PDE1B: variants seen among roughly 807,000 people sequenced by gnomAD.
The protein encoded by PDE1B is dual specificity calcium/calmodulin-dependent 3',5'-cyclic nucleotide phosphodiesterase 1B.
Under a neutral mutation model 66.7 loss-of-function variants are expected in PDE1B, and 13 were observed. The ratio of observed to expected loss-of-function variants is 0.19; its 90% confidence interval spans 0.13 to 0.31. PDE1B has a LOEUF of 0.31. Ranked by LOEUF, PDE1B falls within the 10% of genes least tolerant of loss-of-function variation. The pLI is 1.00. For synonymous variants in PDE1B, 230 were observed against 253.9 expected (o/e 0.91, Z 0.90); for missense variants, 485 against 682.3 (o/e 0.71, Z 3.22).
At chr12:54,560,407 C>G (rs1040966750) in intron 2 of PDE1B, among the ~76,000 whole-genome samples, 1 of 152,304 alleles carries the variant, frequency 6.6e-6, no homozygotes, top group African/African-American at 2.4e-5. Flanking sequence ...AGTTCCTTTT[C>G]CTCTTTACCA....
At chr12:54,565,084 C>A (rs904173274) in intron 2 of PDE1B, among the ~76,000 whole-genome samples, 6 of 152,130 alleles carry the variant, frequency 3.9e-5, no homozygotes, top group African/African-American at 1.2e-4. Flanking sequence ...AAATGAGTGC[C>A]GTGGGTGTGG....
intron 3 of PDE1B, among the ~76,000 whole-genome samples, chr12:54,568,123 T>C (rs1046589268): frequency 6.6e-6 from 1 of 152,130 alleles, no homozygotes; most frequent in African/African-American, 2.4e-5. Flanking sequence ...CCCAAAGTCC[T>C]GGGGATTACA....
intron 14 of PDE1B, 127 bp downstream of exon 14, chr12:54,576,828 G>C (rs2121173648): frequency 2.1e-6 from 2 of 956,628 alleles, no homozygotes; most frequent in East Asian, 5.3e-5. Context: ...GAGTGGAGCT[G>C]ATCAGACCAG....
intron 2 of PDE1B, among the ~76,000 whole-genome samples, 177 bp from the exon 3 acceptor site, chr12:54,566,797 G>A (rs1171822731): frequency 6.6e-6 from 1 of 151,998 alleles, no homozygotes; most frequent in African/African-American, 2.4e-5. Context: ...TACAGGCAGT[G>A]GCAATAGCCT....
rs1006677981 is a variant in PDE1B, at chr12:54,573,854, T to C, written c.1064+145T>C. ...CTTCAGGTATCAGACTGCATCTCTATGTGAGAGAGAGAGAGAGTGTGTGTG... is the reference window on the plus strand; with the variant it reads ...CTTCAGGTATCAGACTGCATCTCTACGTGAGAGAGAGAGAGAGTGTGTGTG... On this transcript the variant is annotated intron_variant, in intron 10 of 15. Transcript: ENST00000243052. The surrounding 1 kb of genome is among the most constrained non-coding windows in gnomAD (Gnocchi z 5.2). 2 of 457,226 alleles carry C rather than the reference T, an allele frequency of 4.4e-6. No homozygotes were observed. The highest frequency in any genetic ancestry group is 7.6e-6 in the Non-Finnish European group (2 of 264,512). The allele number at this position is 457,226 out of a possible 1,614,324, so 28.3% of individuals were successfully genotyped here. A position where few individuals can be genotyped will look rare whatever the true frequency, so the allele number is the denominator to read the frequency against.
intron 2 of PDE1B, among the ~76,000 whole-genome samples, chr12:54,550,593 A>G (rs1210455102): frequency 8.4e-6 from 1 of 119,746 alleles, no homozygotes; most frequent in Non-Finnish European, 1.8e-5. Context: ...TGATGAGGGG[A>G]CCCACGTGGA....
chr12:54,564,781 C>T (rs1330103460), intron 2 of PDE1B, among the ~76,000 whole-genome samples: 1 of 152,146 alleles, frequency 6.6e-6, no homozygotes, highest in Non-Finnish European at 1.5e-5. Flanking sequence ...GGGCTACAGA[C>T]CACATTTTAA....
At chr12:54,558,308 A>G (rs535020334) in intron 2 of PDE1B, among the ~76,000 whole-genome samples, 3 of 149,718 alleles carry the variant, frequency 2.0e-5, no homozygotes, top group African/African-American at 7.4e-5. Context: ...ACTATCTTCC[A>G]ATCTTCCCTA....
At chr12:54,568,627 C>T (rs1448174525) in intron 3 of PDE1B, among the ~76,000 whole-genome samples, 1 of 151,914 alleles carries the variant, frequency 6.6e-6, no homozygotes, top group Non-Finnish European at 1.5e-5. Context: ...GATGGATCAA[C>T]TGAGGTCAGG....
intron 2 of PDE1B, among the ~76,000 whole-genome samples, chr12:54,560,432 A>G (rs1268668945): frequency 6.6e-6 from 1 of 152,140 alleles, no homozygotes; most frequent in Non-Finnish European, 1.5e-5. Context: ...ACCCGCAGCC[A>G]TAGACCTACA....
chr12:54,570,167 G>T, intron 5 of PDE1B, 74 bp from the exon 6 acceptor site: 1 of 854,368 alleles, frequency 1.2e-6, no homozygotes. Context: ...TGTACTCATG[G>T]GAAGTCCTTC....
rs1313424605 is a variant in PDE1B, at chr12:54,572,733, G to A, written c.727G>A (p.Gly243Arg). Residue 243 changes from glycine (G) to arginine (R), a missense_variant, in exon 7 of 16, where the codon GGG becomes AGG. Coordinates refer to ENST00000243052, the MANE Select transcript of PDE1B (RefSeq NM_000924.4). Reference protein sequence around the residue: ...QTVHCFLLRTGMVHCLSEIEL... With the variant: ...QTVHCFLLRTRMVHCLSEIEL... ...AGTCCATTGCTTCTTGCTCCGCACA[G>A]GGATGGTGGTAGGTGCCCTGGAGAT... is the stretch of plus-strand genomic sequence containing the variant. The A allele has an allele frequency of 1.9e-6, 3 of 1,614,030 alleles. No homozygotes were observed. The highest frequency in any genetic ancestry group is 2.5e-6 in the Non-Finnish European group (3 of 1,179,980).
chr12:54,565,726 G>C (rs1957501698), intron 2 of PDE1B, among the ~76,000 whole-genome samples: 2 of 152,176 alleles, frequency 1.3e-5, no homozygotes, highest in Non-Finnish European at 2.9e-5. Flanking sequence ...AGGCCCTGAG[G>C]TGAGAACTGG....
intron 2 of PDE1B, among the ~76,000 whole-genome samples, chr12:54,555,320 A>C (rs917064653): frequency 6.6e-6 from 1 of 152,184 alleles, no homozygotes; most frequent in African/African-American, 2.4e-5. Context: ...GTTATACCAC[A>C]TCCTATTTTA....
At chr12:54,551,395 C>T (rs1240710746) in intron 2 of PDE1B, among the ~76,000 whole-genome samples, 1 of 152,180 alleles carries the variant, frequency 6.6e-6, no homozygotes, top group Non-Finnish European at 1.5e-5. Flanking sequence ...CTATGAAGCA[C>T]AGCCTTGGAA....
intron 3 of PDE1B, among the ~76,000 whole-genome samples, chr12:54,568,335 A>T (rs901887368): frequency 6.6e-6 from 1 of 151,880 alleles, no homozygotes; most frequent in Non-Finnish European, 1.5e-5. Flanking sequence ...GGTGATGTGC[A>T]TCTGTAGTCC....
Position 54,575,563 on chromosome 12 carries a change from G to A in PDE1B, c.1198G>A (p.Ala400Thr). ...EEFFRQGDKE[A>T]ELGLPFSPLC... ...TTCCCTCCTCTAGGGTGACAAGGAG[G>A]CAGAGTTGGGCCTGCCCTTTTCTCC... The change falls in exon 12 of 16, where the codon GCA becomes ACA. Residue 400 changes from alanine (A) to threonine (T), a missense_variant. Transcript: ENST00000243052. This position sits in a 1 kb window ranked among gnomAD's most constrained non-coding sequence, Gnocchi z 4.0. The A allele has an allele frequency of 6.2e-7, 1 of 1,612,680 alleles. No individual in the cohort carries two copies. Among genetic ancestry groups the A allele is most frequent in the Non-Finnish European group, 8.5e-7 (1 of 1,178,812 alleles).
chr12:54,557,040 C>T (rs1957350552), intron 2 of PDE1B, among the ~76,000 whole-genome samples: 1 of 152,158 alleles, frequency 6.6e-6, no homozygotes, highest in Non-Finnish European at 1.5e-5. Context: ...CCCTAGTTCT[C>T]TTCTCTGTGC....
chr12:54,573,693 T>C lies in PDE1B; in HGVS notation c.1048T>C (p.Leu350=), dbSNP rs200839405. 6.2e-7 allele frequency: 1 copy of C among 1,613,750 alleles called. No individual in the cohort carries two copies. Among genetic ancestry groups the C allele is most frequent in the East Asian group, 2.2e-5 (1 of 44,866 alleles). The change falls in exon 10 of 16, where the codon TTG becomes CTG. Residue 350 remains leucine, a synonymous_variant. Coordinates refer to ENST00000243052, the MANE Select transcript of PDE1B (RefSeq NM_000924.4). The surrounding 1 kb of genome is among the most constrained non-coding windows in gnomAD (Gnocchi z 5.2). ...GCAAGTGAAGACCATGAAGACAGCC[T>C]TGCAACAGCTGGAGAGGTGGCATCT... ...FQQVKTMKTA[L]QQLERIDKPK...
Sources: gnomAD v4.1 joint callset for allele counts (sites outside exome capture counted in the v4.1 genomes callset) on GRCh38, gnomAD v4.1.1 for gene constraint, Gnocchi (gnomAD v3.1) non-coding constraint, MANE v1.5 for transcripts, NCBI Gene and HGNC (gene_info 2026-07-23, HGNC 2026-07-21) for gene names.